ZC3H7B: variants seen among roughly 807,000 people sequenced by gnomAD.
ZC3H7B encodes the protein zinc finger CCCH-type containing 7B, also known as zinc finger CCCH domain-containing protein 7B.
Under a neutral mutation model 116.0 loss-of-function variants are expected in ZC3H7B, and 35 were observed. The ratio of observed to expected loss-of-function variants is 0.30; its 90% confidence interval spans 0.23 to 0.40. ZC3H7B has a LOEUF of 0.40. Ranked by LOEUF, ZC3H7B falls within the 10% of genes least tolerant of loss-of-function variation. The probability of loss-of-function intolerance (pLI) is 1.00; values close to 1 mark genes in which losing one functional copy is unlikely to be tolerated. For missense variants in ZC3H7B, 1,011 were observed against 1,321.5 expected, an observed-to-expected ratio of 0.77 and a Z score of 3.64; for synonymous variants, 502 against 545.6, an observed-to-expected ratio of 0.92 and a Z score of 1.11.
intron 1 of ZC3H7B, among the ~76,000 whole-genome samples, chr22:41,315,216 A>G (rs1443467727): frequency 6.6e-6 from 1 of 151,996 alleles, no homozygotes; most frequent in African/African-American, 2.4e-5. Flanking sequence ...CGCACGTGCT[A>G]GAGTGCTAGA....
chr22:41,327,096 C>CT lies in ZC3H7B; in HGVS notation c.286-109dup. On this transcript the variant is annotated intron_variant, in intron 4 of 22. Coordinates refer to ENST00000352645, the MANE Select transcript of ZC3H7B (RefSeq NM_017590.6). The surrounding 1 kb of genome is among the most constrained non-coding windows in gnomAD (Gnocchi z 4.5). The stretch of plus-strand genomic sequence containing the variant: ...TCCCTGACCCAAGACTTCAGCTCCT[C>CT]TGTCTCTGCCAGGAAGGGAAGCTGG... 1.3e-6 allele frequency: 2 copies of CT among 1,489,986 alleles called. No homozygotes were observed. Among genetic ancestry groups the CT allele is most frequent in the South Asian group, 2.6e-5 (2 of 77,928 alleles). 92.3% of individuals were successfully genotyped at this position (1,489,986 alleles called of 1,614,324 possible).
rs1482404776 is a variant in ZC3H7B at position 41,342,522 on chromosome 22, G to A, written c.1198-7G>A. 6.2e-7 allele frequency: 1 copy of A among 1,612,522 alleles called. No individual in the cohort carries two copies. The highest frequency in any genetic ancestry group is 2.2e-5 in the East Asian group (1 of 44,872). ...TGCCCACAATGGCCTCCTTCCTCCTGTCACAGCCAGAGCCCTGCATGCCCA... is the reference window on the plus strand; with the variant it reads ...TGCCCACAATGGCCTCCTTCCTCCTATCACAGCCAGAGCCCTGCATGCCCA... On this transcript the variant is annotated splice_polypyrimidine_tract_variant and splice_region_variant and intron_variant, in intron 11 of 22. Transcript: ENST00000352645.
At chr22:41,347,997 G>C in intron 14 of ZC3H7B, 70 bp from the exon 15 acceptor site, 3 of 1,350,410 alleles carry the variant, frequency 2.2e-6, no homozygotes, top group South Asian at 1.2e-5. Context: ...CCAGCTAGCT[G>C]TGTGGGGTCC....
rs1406302592 is a variant in ZC3H7B, at chr22:41,325,590, A to G, written c.80A>G (p.Glu27Gly). The change falls in exon 3 of 23, where the codon GAA (glutamate) becomes GGA (glycine). Residue 27 changes from glutamate (E) to glycine (G), a missense_variant. Physicochemically the swap from Glu to Gly is moderately conservative, Grantham distance 98. Transcript: ENST00000352645. ...IQSTLPLKQE[E>G]YEAFLLKLVQ... is the part of the protein sequence containing the mutation. Reference sequence around the variant, plus strand: ...TCGACACTACCCCTAAAGCAAGAAGAATATGAGGTGAGTGTCAGCTGCCAG... The same window carrying G: ...TCGACACTACCCCTAAAGCAAGAAGGATATGAGGTGAGTGTCAGCTGCCAG... 4 of 1,612,062 alleles carry G rather than the reference A, an allele frequency of 2.5e-6. No individual in the cohort carries two copies. The highest frequency in any genetic ancestry group is 3.4e-6 in the Non-Finnish European group (4 of 1,179,212).
At chr22:41,325,959 T>C in intron 4 of ZC3H7B, 41 bp downstream of exon 4, 1 of 1,561,980 alleles carries the variant, frequency 6.4e-7, no homozygotes, top group Non-Finnish European at 8.7e-7. Context: ...TCTGCTGCCC[T>C]GATCCCCTGG....
chr22:41,357,218 G>A lies in ZC3H7B; in HGVS notation c.2723G>A (p.Arg908His), dbSNP rs763569331. 1.2e-5 allele frequency: 20 copies of A among 1,613,578 alleles called. No individual in the cohort carries two copies. Among genetic ancestry groups the A allele is most frequent in the African/African-American group, 5.3e-5 (4 of 74,926 alleles). The change falls in exon 23 of 23, where the codon CGC becomes CAC. Residue 908 changes from arginine to histidine, a missense_variant. By Grantham distance (29) the Arg-to-His change is conservative. Around this residue, in one of 5 missense-constraint regions of ZC3H7B, gnomAD observed 406 missense variants for 590.2 expected, o/e 0.69. Coordinates refer to ENST00000352645, the MANE Select transcript of ZC3H7B (RefSeq NM_017590.6). This position sits in a 1 kb window ranked among gnomAD's most constrained non-coding sequence, Gnocchi z 5.4. The part of the protein sequence containing the change: ...GKACPDGDKC[R>H]CAHGQEELNE... ...GCCTGCCCAGATGGGGACAAGTGCC[G>A]CTGCGCCCATGGACAGGAGGAGCTC...
rs1325509548 is a variant in ZC3H7B, at chr22:41,348,048, C to T, written c.1666-19C>T. On this transcript the variant is annotated intron_variant, in intron 14 of 22. Transcript: ENST00000352645. ...CCAGGTGGCCATGCCAGGTCCCAGC[C>T]CTTCCCCTCCCTGGGCAGATCTGCT... The T allele has an allele frequency of 6.2e-7, 1 of 1,612,230 alleles. No homozygotes were observed. The highest frequency in any genetic ancestry group is 2.2e-5 in the East Asian group (1 of 44,852).
rs138314409 is a variant in ZC3H7B, at chr22:41,326,819, C to T, written c.286-387C>T. Among the ~76,000 whole-genome samples the T allele has an allele frequency of 1.9e-3, 288 of 152,362 alleles. 1 individual carries two copies. The highest frequency in any genetic ancestry group is 6.3e-3 in the African/African-American group (262 of 41,582). On this transcript the variant is annotated intron_variant, in intron 4 of 22. Transcript: ENST00000352645. ...GGTTAACCCTTGTACACTCTGCACA[C>T]AGAGCTGCCTTCATGGTCTCACTGC...
intron 7 of ZC3H7B, among the ~76,000 whole-genome samples, chr22:41,337,688 C>T (rs1012229317): frequency 4.6e-5 from 7 of 152,146 alleles, no homozygotes; most frequent in African/African-American, 9.7e-5. Flanking sequence ...CCACCTTCAC[C>T]GGGGTGAGGA....
chr22:41,310,981 G>A (rs1197973215), intron 1 of ZC3H7B, among the ~76,000 whole-genome samples: 1 of 151,684 alleles, frequency 6.6e-6, no homozygotes, highest in Admixed American at 6.6e-5. Context: ...TAGCCAGGAT[G>A]GTCTCGATCT....
chr22:41,311,025 A>G (rs1409655156), intron 1 of ZC3H7B, among the ~76,000 whole-genome samples: 2 of 150,210 alleles, frequency 1.3e-5, no homozygotes, highest in African/African-American at 4.9e-5. Flanking sequence ...TCGGCCTCCC[A>G]AAGTGCTGGG....
intron 1 of ZC3H7B, among the ~76,000 whole-genome samples, chr22:41,315,506 A>G (rs1046048982): frequency 6.6e-6 from 1 of 152,060 alleles, no homozygotes; most frequent in African/African-American, 2.4e-5. Flanking sequence ...CTGAGAATAA[A>G]TGACCTTTTA....
Position 41,326,020 on chromosome 22 carries a change from A to G in ZC3H7B, c.285+102A>G, listed in dbSNP as rs977841544. On this transcript the variant is annotated intron_variant, in intron 4 of 22. Transcript: ENST00000352645. ...CCCAGTGAGCCTGTAGACCAGGGCC[A>G]GCCTCCTCCCAGCCTGCTTTCAGAA... 4 of 1,340,020 alleles carry G rather than the reference A, an allele frequency of 3.0e-6. No homozygotes were observed. In the African/African-American group the frequency reaches 5.9e-5, roughly 20 times the overall value. The allele number at this position is 1,340,020 out of a possible 1,614,324, so 83.0% of individuals were successfully genotyped here.
intron 14 of ZC3H7B, among the ~76,000 whole-genome samples, chr22:41,347,413 G>A (rs953593125): frequency 1.3e-5 from 2 of 152,062 alleles, no homozygotes; most frequent in African/African-American, 4.8e-5. Context: ...TGTGTTTCTG[G>A]GCTTGGAACC....
intron 17 of ZC3H7B, among the ~76,000 whole-genome samples, chr22:41,354,638 T>G (rs1277969173): frequency 1.3e-5 from 2 of 152,038 alleles, no homozygotes; most frequent in African/African-American, 4.8e-5. Context: ...AGGGGACAGC[T>G]GGTGCATTCA....
At chr22:41,335,593 T>TA (rs1446720575) in intron 7 of ZC3H7B, 1 of 152,270 alleles carries the variant, frequency 6.6e-6, no homozygotes, top group Non-Finnish European at 1.5e-5. Flanking sequence ...TTTATGTACT[T>TA]ACCATGAGGA....
chr22:41,343,606 C>T lies in ZC3H7B; in HGVS notation c.1459+30C>T, dbSNP rs150346809. 1,197 of 1,556,590 alleles carry T rather than the reference C, an allele frequency of 7.7e-4. 6 individuals carry two copies. The African/African-American group carries it at 0.015, about 19-fold the overall frequency. On this transcript the variant is annotated intron_variant, in intron 13 of 22. Transcript: ENST00000352645. ...GTGGGCTGCAGCGGGGCAGGCAGCA[C>T]AGCTGGGGCCCAGCCCCTCCACCCC... is the stretch of plus-strand genomic sequence containing the variant.
In ZC3H7B at chr22:41,357,968, C is replaced by T. The variant is rs2036743837; in HGVS notation, c.*539C>T. The T allele has an allele frequency of 1.3e-5, 2 of 157,910 alleles. No individual in the cohort carries two copies. The highest frequency in any genetic ancestry group is 1.2e-4 in the Admixed American group (2 of 16,830). 9.8% of individuals were successfully genotyped at this position (157,910 alleles called of 1,614,324 possible). On this transcript the variant is annotated 3_prime_UTR_variant, in exon 23 of 23. Coordinates refer to ENST00000352645, the MANE Select transcript of ZC3H7B (RefSeq NM_017590.6). The surrounding 1 kb of genome is among the most constrained non-coding windows in gnomAD (Gnocchi z 5.4). ...CTTACCCTCTGGGGCCTCAGCTTTC[C>T]CTCCGGAAGGCTGGGAGGAGGTGGG... is the stretch of plus-strand genomic sequence containing the variant.
intron 2 of ZC3H7B, among the ~76,000 whole-genome samples, 183 bp from the exon 3 acceptor site, chr22:41,325,381 T>C (rs1283493336): frequency 6.6e-6 from 1 of 152,092 alleles, no homozygotes; most frequent in East Asian, 1.9e-4. Context: ...CCAAGGAACA[T>C]GCAGGTCCTT....
Sources: allele counts gnomAD v4.1 joint callset (sites outside exome capture counted in the v4.1 genomes callset), GRCh38; gene constraint gnomAD v4.1.1; regional missense constraint gnomAD v4.1.1; non-coding constraint Gnocchi (gnomAD v3.1); transcripts MANE v1.5; gene names NCBI Gene and HGNC (gene_info 2026-07-23, HGNC 2026-07-21).